The following NLGN1 variants were observed in gnomAD, a reference collection of about 807,000 sequenced individuals.
NLGN1 encodes neuroligin-1.
Under a neutral mutation model 65.5 loss-of-function variants are expected in NLGN1, and 12 were observed. That is an observed-to-expected ratio of 0.18 (90% CI 0.12 to 0.30). The LOEUF (loss-of-function observed/expected upper bound fraction) is 0.30, where lower values mean the gene tolerates loss of function less well. Ranked by LOEUF, NLGN1 falls within the 10% of genes least tolerant of loss-of-function variation. The pLI, the probability that NLGN1 is intolerant of heterozygous loss-of-function variation, is 1.00. For synonymous variants in NLGN1, 350 were observed against 359.5 expected (o/e 0.97, Z 0.30); for missense variants, 750 against 1,007.1 (o/e 0.74, Z 3.46).
intron 2 of NLGN1, among the ~76,000 whole-genome samples, chr3:173,471,652 A>G (rs1242773358): frequency 6.6e-6 from 1 of 152,152 alleles, no homozygotes; most frequent in East Asian, 1.9e-4. Flanking sequence ...TGGTAGGGAC[A>G]TAATTCAACT....
intron 1 of NLGN1, among the ~76,000 whole-genome samples, chr3:173,426,989 G>A (rs60435650): frequency 0.029 from 4,378 of 151,994 alleles, 208 homozygotes; most frequent in African/African-American, 0.1. Flanking sequence ...TAAAATTACT[G>A]ATTCAACCTC....
intron 3 of NLGN1, among the ~76,000 whole-genome samples, chr3:173,648,371 A>T (rs1340253092): frequency 6.6e-6 from 1 of 152,224 alleles, no homozygotes; most frequent in East Asian, 1.9e-4. Context: ...AGGAGATAAG[A>T]GATAAGAAAT....
intron 4 of NLGN1, among the ~76,000 whole-genome samples, chr3:173,969,254 A>G (rs1466267428): frequency 2.6e-5 from 4 of 152,152 alleles, no homozygotes; most frequent in African/African-American, 9.7e-5. Context: ...ACAATATGCC[A>G]CATGATATGA....
intron 4 of NLGN1, among the ~76,000 whole-genome samples, chr3:173,832,543 A>G (rs1186746331): frequency 6.6e-6 from 1 of 152,222 alleles, no homozygotes; most frequent in Non-Finnish European, 1.5e-5. Flanking sequence ...ATTAAAAACA[A>G]AAAGGTATGT....
In NLGN1 at chr3:173,984,597, C is replaced by T. The variant is rs549336903; in HGVS notation, c.646+176765C>T. ...CAAACTTCCAGGAAATAAATTTGTT[C>T]ACACTTATTTAACCCAACATTTATC... is the stretch of plus-strand genomic sequence containing the variant. On this transcript the variant is annotated intron_variant, in intron 4 of 6. Coordinates refer to ENST00000457714, the Ensembl canonical transcript of NLGN1. Among the ~76,000 whole-genome samples, 101 of 152,282 alleles carry T rather than the reference C, an allele frequency of 6.6e-4. 1 individual carries two copies. The highest frequency in any genetic ancestry group is 3.4e-3 in the Middle Eastern group (1 of 294).
intron 4 of NLGN1, among the ~76,000 whole-genome samples, chr3:173,976,445 A>G (rs1717490717): frequency 2.0e-5 from 3 of 152,064 alleles, no homozygotes; most frequent in African/African-American, 7.2e-5. Flanking sequence ...ATTACAGACA[A>G]TGTACTGATG....
At chr3:174,196,897 T>C (rs1733525948) in intron 4 of NLGN1, among the ~76,000 whole-genome samples, 1 of 152,212 alleles carries the variant, frequency 6.6e-6, no homozygotes. Context: ...ACCATTATTA[T>C]CCCCAATAGT....
chr3:173,789,156 G>A (rs1002696919), intron 3 of NLGN1, among the ~76,000 whole-genome samples: 9 of 151,330 alleles, frequency 5.9e-5, no homozygotes, highest in Non-Finnish European at 1.3e-4. Context: ...CTGAGATCGC[G>A]CCACTGCACT....
chr3:173,721,107 T>C (rs1770767704), intron 3 of NLGN1, among the ~76,000 whole-genome samples: 1 of 152,214 alleles, frequency 6.6e-6, no homozygotes, highest in Non-Finnish European at 1.5e-5. Context: ...TAGCCTGTTT[T>C]AAAAATTATT....
At chr3:173,510,847 A>G (rs1313980652) in intron 2 of NLGN1, among the ~76,000 whole-genome samples, 1 of 152,216 alleles carries the variant, frequency 6.6e-6, no homozygotes, top group Admixed American at 6.5e-5. Context: ...ATGAATGTGG[A>G]AAGAATCCAG....
intron 4 of NLGN1, among the ~76,000 whole-genome samples, chr3:174,179,872 A>C (rs1730074941): frequency 6.6e-6 from 1 of 152,074 alleles, no homozygotes; most frequent in Non-Finnish European, 1.5e-5. Context: ...AAACTTTTTA[A>C]CCTGTGACCT....
chr3:174,098,219 C>T (rs1352115511), intron 4 of NLGN1, among the ~76,000 whole-genome samples: 4 of 152,158 alleles, frequency 2.6e-5, no homozygotes, highest in African/African-American at 7.2e-5. Context: ...GTTTCATTTG[C>T]CTCCCGAACA....
chr3:174,245,996 T>A (rs1218634915), intron 4 of NLGN1, among the ~76,000 whole-genome samples: 3 of 152,194 alleles, frequency 2.0e-5, no homozygotes, highest in Non-Finnish European at 4.4e-5. Flanking sequence ...GTTTATTGAG[T>A]TTCTATTATG....
At chr3:173,638,874 T>C (rs1756994856) in intron 3 of NLGN1, among the ~76,000 whole-genome samples, 1 of 152,200 alleles carries the variant, frequency 6.6e-6, no homozygotes, top group African/African-American at 2.4e-5. Flanking sequence ...ATTAATTGTT[T>C]CTGAGGTATA....
intron 2 of NLGN1, among the ~76,000 whole-genome samples, chr3:173,460,402 G>A (rs1261365687): frequency 6.6e-6 from 1 of 152,114 alleles, no homozygotes; most frequent in Non-Finnish European, 1.5e-5. Context: ...AGCTGGGACA[G>A]TAAGAAGAAA....
At chr3:174,284,932 A>G (rs1262909494) in exon 7 of NLGN1, 1 of 151,348 alleles carries the variant, frequency 6.6e-6, no homozygotes, top group East Asian at 1.9e-4. Flanking sequence ...TTTTTTAAAA[A>G]TTATCAAGTA....
At chr3:173,842,708 G>A (rs1000825130) in intron 4 of NLGN1, among the ~76,000 whole-genome samples, 1 of 152,214 alleles carries the variant, frequency 6.6e-6, no homozygotes, top group Non-Finnish European at 1.5e-5. Context: ...GTCTTGGGCA[G>A]CTCCGCCCCT....
exon 7 of NLGN1, chr3:174,282,031 T>C (rs1751598694): frequency 6.6e-6 from 1 of 152,282 alleles, no homozygotes. Flanking sequence ...TGGCAGAACC[T>C]AAAGAAGATT....
At chr3:174,076,679 TAGAGAGAGAGAGAGAGAGAG>T (rs3979619) in intron 4 of NLGN1, among the ~76,000 whole-genome samples, 23 of 92,886 alleles carry the variant, frequency 2.5e-4, no homozygotes, top group African/African-American at 3.7e-4. Flanking sequence ...TCTGGGACCA[TAGAGAGAGAGAGAGAGAGAG>T]AGAGAGAGAG....
Sources: allele counts gnomAD v4.1 joint callset (sites outside exome capture counted in the v4.1 genomes callset), GRCh38; gene constraint gnomAD v4.1.1; transcripts MANE v1.5; gene names NCBI Gene and HGNC (gene_info 2026-07-23, HGNC 2026-07-21).